The following GABRA4 variants were observed in gnomAD, a reference collection of about 807,000 sequenced individuals.
The protein encoded by GABRA4 is gamma-aminobutyric acid type A receptor subunit alpha4, also known as gamma-aminobutyric acid receptor subunit alpha-4.
GABRA4 carries 12 observed loss-of-function variants against 49.7 expected under a neutral mutation model. That is an observed-to-expected ratio of 0.24 (90% CI 0.15 to 0.39). The LOEUF (loss-of-function observed/expected upper bound fraction) is 0.39. Among genes scored for constraint, GABRA4 ranks in the 10% least tolerant of loss-of-function variants. The pLI is 1.00. For missense variants in GABRA4, 506 were observed against 686.0 expected (o/e 0.74, Z 2.93); for synonymous variants, 288 against 240.2 (o/e 1.20, Z -1.84).
In GABRA4 at chr4:46,924,481, A is replaced by G. The variant is rs1333529689; in HGVS notation, c.*3744T>C. ...GTGACTACCTGCAAGGAAAGGGGCTATTTTTATCTCTGTATATCTAAAAAT... is the reference window on the plus strand; with the variant it reads ...GTGACTACCTGCAAGGAAAGGGGCTGTTTTTATCTCTGTATATCTAAAAAT... On this transcript the variant is annotated 3_prime_UTR_variant, in exon 9 of 9. Coordinates refer to ENST00000264318, the MANE Select transcript of GABRA4 (RefSeq NM_000809.4). The G allele has an allele frequency of 6.6e-6, 1 of 151,988 alleles. No individual in the cohort carries two copies. The highest frequency in any genetic ancestry group is 1.5e-5 in the Non-Finnish European group (1 of 67,946). The allele number at this position is 151,988 out of a possible 1,614,324, so 9.4% of individuals were successfully genotyped here. A position where few individuals can be genotyped will look rare whatever the true frequency, so the allele number is the denominator to read the frequency against.
rs910106348 is a variant in GABRA4, at chr4:46,928,020, T to C, written c.*205A>G. 21 of 488,178 alleles carry C rather than the reference T, an allele frequency of 4.3e-5. No homozygotes were observed. Among genetic ancestry groups the C allele is most frequent in the African/African-American group, 3.7e-4 (19 of 50,858 alleles). The allele number at this position is 488,178 out of a possible 1,614,324, so 30.2% of individuals were successfully genotyped here. The stretch of plus-strand genomic sequence containing the variant: ...TCTATCTAACTGAATGCTGAGTTCT[T>C]TTAAAATAATTTTTCTGAAAAAAAA... On this transcript the variant is annotated 3_prime_UTR_variant, in exon 9 of 9. Coordinates refer to ENST00000264318, the MANE Select transcript of GABRA4 (RefSeq NM_000809.4).
In GABRA4 at chr4:46,988,822, A is replaced by G. The variant is rs189645869; in HGVS notation, c.205+4006T>C. On this transcript the variant is annotated intron_variant, in intron 2 of 8. Transcript: ENST00000264318. The stretch of plus-strand genomic sequence containing the variant: ...GAGTGCCTCGGAAGTGGATATAGCA[A>G]TAAACCAGCTGCCTGACTAAGGTTT... 3.9e-5 allele frequency among the ~76,000 whole-genome samples: 6 copies of G among 152,326 alleles called. No individual in the cohort carries two copies. In the East Asian group the frequency reaches 9.7e-4, roughly 25 times the overall value.
intron 8 of GABRA4, among the ~76,000 whole-genome samples, chr4:46,930,988 A>T (rs1243606706): frequency 1.3e-5 from 2 of 151,960 alleles, no homozygotes; most frequent in Non-Finnish European, 2.9e-5. Flanking sequence ...TGAACTGAAG[A>T]GATGAAGTTG....
Position 46,921,139 on chromosome 4 carries a change from T to A in GABRA4, c.*7086A>T, listed in dbSNP as rs1326878183. 1.3e-5 allele frequency: 2 copies of A among 151,896 alleles called. No homozygotes were observed. The highest frequency in any genetic ancestry group is 2.1e-4 in the South Asian group (1 of 4,818). The allele number at this position is 151,896 out of a possible 1,614,324, so 9.4% of individuals were successfully genotyped here. On this transcript the variant is annotated 3_prime_UTR_variant, in exon 9 of 9. Transcript: ENST00000264318. ...ATATTACGCATGGGTATTTCTTTTT[T>A]TTTTTAACGGAAGTAATTAGTGGTA...
intron 8 of GABRA4, among the ~76,000 whole-genome samples, chr4:46,943,932 T>C (rs1301680628): frequency 6.6e-6 from 1 of 152,088 alleles, no homozygotes; most frequent in African/African-American, 2.4e-5. Flanking sequence ...ATTGTACCCA[T>C]TAACTAATTT....
intron 8 of GABRA4, among the ~76,000 whole-genome samples, chr4:46,947,675 G>C (rs1169645927): frequency 2.0e-5 from 3 of 151,982 alleles, no homozygotes; most frequent in African/African-American, 2.4e-5. Flanking sequence ...TGAACAAACA[G>C]AATAAGAAAA....
intron 8 of GABRA4, among the ~76,000 whole-genome samples, chr4:46,960,801 C>A (rs1379006109): frequency 2.0e-5 from 3 of 151,312 alleles, no homozygotes; most frequent in African/African-American, 4.8e-5. Context: ...TAATAAGAGG[C>A]AAACTCAAGG....
At position 46,928,228 on chromosome 4, in the gene GABRA4, C is replaced by A. The variant is rs768396690; in HGVS notation, c.1662G>T (p.Met554Ile). 38 of 1,604,234 alleles carry A rather than the reference C, an allele frequency of 2.4e-5. No individual in the cohort carries two copies. The highest frequency in any genetic ancestry group is 3.3e-5 in the South Asian group (3 of 90,216). ...GCAAACTACTATAGCAACGAAATTA[C>A]ATTAGACTTTCTGATTTCTCCATAG... The part of the protein sequence containing the change: ...KDTMEKSESL[M>I] The change falls in exon 9 of 9, where the codon ATG becomes ATT. Residue 554 changes from methionine (M) to isoleucine (I), a missense_variant. By Grantham distance (10) the Met-to-Ile change is conservative. Around this residue, in one of 5 missense-constraint regions of GABRA4, gnomAD observed 29 missense variants for 25.1 expected, o/e 1.16. Coordinates refer to ENST00000264318, the MANE Select transcript of GABRA4 (RefSeq NM_000809.4).
At chr4:46,971,509 T>C (rs1023200695) in intron 6 of GABRA4, among the ~76,000 whole-genome samples, 1 of 151,542 alleles carries the variant, frequency 6.6e-6, no homozygotes, top group Non-Finnish European at 1.5e-5. Context: ...GTGCTTTCTA[T>C]TTTGATGGTC....
At chr4:46,971,020 T>C in intron 7 of GABRA4, 63 bp downstream of exon 7, 1 of 1,466,688 alleles carries the variant, frequency 6.8e-7, no homozygotes, top group Non-Finnish European at 9.4e-7. Flanking sequence ...CTTAGAAATA[T>C]CCCATGAATC....
At chr4:46,940,739 A>AC (rs1721761345) in intron 8 of GABRA4, among the ~76,000 whole-genome samples, 1 of 149,788 alleles carries the variant, frequency 6.7e-6, no homozygotes. Flanking sequence ...CACTCTCAAC[A>AC]CCCCCCAAAA....
intron 2 of GABRA4, 117 bp downstream of exon 2, chr4:46,992,707 AAGAG>A (rs1249853630): frequency 2.0e-5 from 15 of 764,552 alleles, no homozygotes; most frequent in Non-Finnish European, 3.0e-5. Flanking sequence ...GAGAGATAGA[AAGAG>A]AGAGAGATTT....
At chr4:46,967,337 C>T (rs1346351530) in intron 7 of GABRA4, among the ~76,000 whole-genome samples, 1 of 151,304 alleles carries the variant, frequency 6.6e-6, no homozygotes, top group Non-Finnish European at 1.5e-5. Context: ...ACTTAAGATT[C>T]CCTATGTTAC....
intron 8 of GABRA4, 89 bp downstream of exon 8, chr4:46,964,881 G>T: frequency 7.4e-7 from 1 of 1,358,230 alleles, no homozygotes; most frequent in Non-Finnish European, 1.0e-6. Flanking sequence ...TTGATATCAG[G>T]ATTTTTAAGT....
intron 8 of GABRA4, among the ~76,000 whole-genome samples, chr4:46,949,890 C>A (rs1363796174): frequency 6.6e-6 from 1 of 151,960 alleles, no homozygotes; most frequent in African/African-American, 2.4e-5. Flanking sequence ...ATAGGATTCA[C>A]CATATAAAAA....
chr4:46,978,149 G>A (rs1156352097), intron 3 of GABRA4, among the ~76,000 whole-genome samples: 1 of 151,944 alleles, frequency 6.6e-6, no homozygotes, highest in Non-Finnish European at 1.5e-5. Context: ...TAAGTTTTTT[G>A]TCTTGCAAAC....
chr4:46,944,171 C>T (rs1721907377), intron 8 of GABRA4, among the ~76,000 whole-genome samples: 1 of 152,076 alleles, frequency 6.6e-6, no homozygotes. Context: ...AAGAGATAGA[C>T]ATGTTGATTA....
At chr4:46,929,544 A>G (rs1721354371) in intron 8 of GABRA4, among the ~76,000 whole-genome samples, 1 of 152,108 alleles carries the variant, frequency 6.6e-6, no homozygotes, top group Non-Finnish European at 1.5e-5. Context: ...TTTGTAGAAC[A>G]AGATTATATT....
chr4:46,952,266 T>C (rs1560469658), intron 8 of GABRA4, among the ~76,000 whole-genome samples: 1 of 152,022 alleles, frequency 6.6e-6, no homozygotes. Context: ...GGATTATTCA[T>C]CGTGGCAGCA....
Sources: gnomAD v4.1 joint callset for allele counts (sites outside exome capture counted in the v4.1 genomes callset) on GRCh38, gnomAD v4.1.1 for gene constraint, gnomAD v4.1.1 regional missense constraint, MANE v1.5 for transcripts, NCBI Gene and HGNC (gene_info 2026-07-23, HGNC 2026-07-21) for gene names.